FRMPD4: variants seen among roughly 807,000 people sequenced by gnomAD.
FRMPD4 encodes FERM and PDZ domain-containing protein 4.
FRMPD4 carries 22 observed loss-of-function variants against 94.1 expected under a neutral mutation model. The ratio of observed to expected loss-of-function variants is 0.23; its 90% CI spans 0.17 to 0.33. The LOEUF (loss-of-function observed/expected upper bound fraction) is 0.33, where lower values mean the gene tolerates loss of function less well. FRMPD4 is among the 10% of genes least tolerant of loss of function. The probability of loss-of-function intolerance (pLI) is 1.00; values close to 1 mark genes in which losing one functional copy is unlikely to be tolerated. For synonymous variants in FRMPD4, 631 were observed against 548.6 expected (o/e 1.15, Z -2.10); for missense variants, 1,111 against 1,339.9 (o/e 0.83, Z 2.67).
chrX:12,185,439 T>C (rs1396932241), intron 1 of FRMPD4, among the ~76,000 whole-genome samples: 1 of 111,153 alleles, frequency 9.0e-6, no homozygotes, highest in Non-Finnish European at 1.9e-5. Flanking sequence ...AGATAACACC[T>C]CCCAAGTGAA....
chrX:12,543,277 GA>G (rs1207519833), intron 2 of FRMPD4, among the ~76,000 whole-genome samples: 1 of 111,221 alleles, frequency 9.0e-6, no homozygotes, highest in African/African-American at 3.3e-5. Flanking sequence ...CACAGCAAAA[GA>G]AACTACCATC....
intron 1 of FRMPD4, among the ~76,000 whole-genome samples, chrX:12,362,483 T>G (rs183162626): frequency 9.0e-6 from 1 of 111,420 alleles, no homozygotes; most frequent in Non-Finnish European, 1.9e-5. Context: ...TGTGATAGTT[T>G]GCGAGAATGA....
At chrX:12,438,711 C>T (rs776381576) in intron 1 of FRMPD4, among the ~76,000 whole-genome samples, 28 of 111,204 alleles carry the variant, frequency 2.5e-4, no homozygotes, top group Non-Finnish European at 3.8e-4. Context: ...ACAAAAACCC[C>T]GATTCTGATG....
intron 3 of FRMPD4, among the ~76,000 whole-genome samples, chrX:11,912,781 CAA>C (rs759252236): frequency 2.3e-5 from 2 of 85,277 alleles, no homozygotes; most frequent in Non-Finnish European, 4.8e-5. Context: ...AATGGAATTA[CAA>C]AAAAAAAAAG....
chrX:12,443,262 C>G (rs1231761798), intron 1 of FRMPD4, among the ~76,000 whole-genome samples: 1 of 111,802 alleles, frequency 8.9e-6, no homozygotes, highest in Non-Finnish European at 1.9e-5. Flanking sequence ...AAATCCATAG[C>G]TTAATATGTA....
chrX:11,853,910 C>T (rs1355916350), intron 1 of FRMPD4, among the ~76,000 whole-genome samples: 3 of 112,404 alleles, frequency 2.7e-5, no homozygotes, highest in Admixed American at 9.4e-5. Context: ...ATACCCAAAC[C>T]TGGCAGAGAT....
chrX:12,358,729 A>G (rs1479550695), intron 1 of FRMPD4, among the ~76,000 whole-genome samples: 4 of 112,025 alleles, frequency 3.6e-5, no homozygotes, highest in Non-Finnish European at 7.5e-5. Context: ...CACCCAGGGA[A>G]GGAGAATTCA....
At chrX:12,644,432 G>A (rs907911503) in intron 4 of FRMPD4, among the ~76,000 whole-genome samples, 2 of 111,651 alleles carry the variant, frequency 1.8e-5, no homozygotes, top group African/African-American at 6.5e-5. Context: ...TCTTGTCACC[G>A]TAGCATTCAT....
At chrX:12,530,195 T>G (rs1475939162) in intron 2 of FRMPD4, among the ~76,000 whole-genome samples, 1 of 111,807 alleles carries the variant, frequency 8.9e-6, no homozygotes, top group Non-Finnish European at 1.9e-5. Flanking sequence ...AGAAACAGCT[T>G]TCCAAGTGTA....
At chrX:12,383,475 A>T (rs923368387) in intron 1 of FRMPD4, among the ~76,000 whole-genome samples, 4 of 111,268 alleles carry the variant, frequency 3.6e-5, no homozygotes, top group Non-Finnish European at 7.5e-5. Flanking sequence ...CCAAATCTCA[A>T]TAATGCCAAT....
At chrX:12,137,632 G>T (rs190188704), upstream of FRMPD4, among the ~76,000 whole-genome samples, 1 of 111,673 alleles carries the variant, frequency 9.0e-6, no homozygotes, top group African/African-American at 3.3e-5. Context: ...AGAAAAAGGG[G>T]CCCAATGAAG....
intron 1 of FRMPD4, among the ~76,000 whole-genome samples, chrX:11,849,587 A>G (rs1476843698): frequency 9.0e-6 from 1 of 111,245 alleles, no homozygotes; most frequent in Non-Finnish European, 1.9e-5. Flanking sequence ...CCTGTGGAAT[A>G]GAATAGAGAG....
chrX:11,946,175 A>C (rs1569130179), intron 3 of FRMPD4, among the ~76,000 whole-genome samples: 1 of 111,800 alleles, frequency 8.9e-6, no homozygotes, highest in African/African-American at 3.3e-5. Context: ...AACCCATGTG[A>C]GGTCATGTCT....
intron 2 of FRMPD4, among the ~76,000 whole-genome samples, chrX:12,578,533 C>T (rs1438503): frequency 0.24 from 26,413 of 110,465 alleles, 2,693 homozygotes; most frequent in African/African-American, 0.4. Context: ...TTATAAATGT[C>T]TACACCTAAC....
intron 2 of FRMPD4, among the ~76,000 whole-genome samples, chrX:12,589,377 A>G (rs2058961463): frequency 8.9e-6 from 1 of 111,791 alleles, no homozygotes; most frequent in Non-Finnish European, 1.9e-5. Flanking sequence ...GGAAAATGCT[A>G]TGGAGAGAGA....
At chrX:11,852,442 CA>C (rs374590200) in intron 1 of FRMPD4, among the ~76,000 whole-genome samples, 14,848 of 52,153 alleles carry the variant, frequency 0.28, 828 homozygotes, top group Middle Eastern at 0.33. Context: ...ACCCTGTCTC[CA>C]AAAAAAAAAA....
intron 1 of FRMPD4, among the ~76,000 whole-genome samples, chrX:12,406,708 A>G (rs768464215): frequency 8.9e-6 from 1 of 112,234 alleles, no homozygotes; most frequent in East Asian, 2.8e-4. Flanking sequence ...TGAAGCTCCA[A>G]CCAACCATGA....
chrX:12,257,113 T>C (rs2054124827), intron 1 of FRMPD4, among the ~76,000 whole-genome samples: 1 of 112,257 alleles, frequency 8.9e-6, no homozygotes, highest in East Asian at 2.8e-4. Context: ...TTGGCTTTAC[T>C]AGTATAGTGT....
Position 12,576,768 on chromosome X carries a change from T to G in FRMPD4, c.159-32953T>G, listed in dbSNP as rs535244392. ...TATCATTAAAGGCTTAGAAATTATC[T>G]TTAGCACATTGTTTATAAACAAAAA... On this transcript the variant is annotated intron_variant, in intron 2 of 16. Coordinates refer to ENST00000675598, the MANE Select transcript of FRMPD4 (RefSeq NM_001368397.1). 1.7e-4 allele frequency among the ~76,000 whole-genome samples: 19 copies of G among 112,304 alleles called. No individual in the cohort carries two copies. In the South Asian group the frequency reaches 5.6e-3, roughly 33 times the overall value.
Sources: allele counts gnomAD v4.1 joint callset (sites outside exome capture counted in the v4.1 genomes callset), GRCh38; gene constraint gnomAD v4.1.1; transcripts MANE v1.5; gene names NCBI Gene and HGNC (gene_info 2026-07-23, HGNC 2026-07-21).